Variants in NELL1 observed in about 807,000 individuals in gnomAD.
NELL1 encodes the protein neural EGFL like 1, also known as protein kinase C-binding protein NELL1.
A neutral mutation model predicts 107.4 loss-of-function variants in NELL1; 76 were observed. The observed-to-expected ratio is 0.71, with a 90% CI of 0.59 to 0.86. The LOEUF (loss-of-function observed/expected upper bound fraction) is 0.86. Among genes scored for constraint, NELL1 ranks in the 40% least tolerant of loss-of-function variants. The pLI, the probability that NELL1 is intolerant of heterozygous loss-of-function variation, is 0.00. For synonymous variants in NELL1, 353 were observed against 341.2 expected (o/e 1.03, Z -0.38); for missense variants, 1,024 against 1,005.5 (o/e 1.02, Z -0.25).
intron 15 of NELL1, among the ~76,000 whole-genome samples, chr11:21,396,567 A>T (rs1018946000): frequency 2.6e-5 from 4 of 151,628 alleles, no homozygotes; most frequent in African/African-American, 4.8e-5. Context: ...GCCAAGTACA[A>T]AGATAATTTA....
chr11:20,972,610 A>C (rs1009631206), intron 12 of NELL1, among the ~76,000 whole-genome samples: 1 of 152,198 alleles, frequency 6.6e-6, no homozygotes, highest in African/African-American at 2.4e-5. Context: ...TGGAGTTACC[A>C]AAAAGCAAAA....
At chr11:20,942,420 A>G (rs1459781368) in intron 10 of NELL1, among the ~76,000 whole-genome samples, 2 of 152,090 alleles carry the variant, frequency 1.3e-5, no homozygotes, top group African/African-American at 2.4e-5. Flanking sequence ...TGGTGTGACA[A>G]CAAGGGCTTT....
At chr11:20,915,867 CAT>C (rs573944121) in intron 5 of NELL1, among the ~76,000 whole-genome samples, 1 of 150,910 alleles carries the variant, frequency 6.6e-6, no homozygotes, top group East Asian at 2.0e-4. Context: ...GTAAATTGTC[CAT>C]ATAGCAATTT....
In NELL1 at chr11:20,859,110, C is replaced by A. The variant is rs185585331; in HGVS notation, c.506+11357C>A. 5.3e-5 allele frequency among the ~76,000 whole-genome samples: 8 copies of A among 152,326 alleles called. No homozygotes were observed. The East Asian group carries it at 1.5e-3, about 29-fold the overall frequency. On this transcript the variant is annotated intron_variant, in intron 4 of 19. Coordinates refer to ENST00000357134, the MANE Select transcript of NELL1 (RefSeq NM_006157.5). ...ATTGTGGACTAGGCCCACACCTACA[C>A]TGAAGTGACCAAAGTCTCAAACTGT...
At chr11:20,851,894 T>C (rs928822440) in intron 4 of NELL1, among the ~76,000 whole-genome samples, 1 of 152,190 alleles carries the variant, frequency 6.6e-6, no homozygotes, top group African/African-American at 2.4e-5. Flanking sequence ...ACAGGAGCCC[T>C]GTAAGCAGGC....
chr11:21,441,661 G>GA (rs947636156), intron 15 of NELL1, among the ~76,000 whole-genome samples: 6 of 151,598 alleles, frequency 4.0e-5, no homozygotes, highest in Non-Finnish European at 7.4e-5. Context: ...ATGAAAAATT[G>GA]AAAAAAATGT....
chr11:21,057,996 G>A (rs1853650793), intron 12 of NELL1, among the ~76,000 whole-genome samples: 1 of 152,022 alleles, frequency 6.6e-6, no homozygotes, highest in African/African-American at 2.4e-5. Context: ...TTTCAGAAGA[G>A]GAGGTTGAGT....
intron 12 of NELL1, among the ~76,000 whole-genome samples, chr11:21,033,724 T>C (rs575405927): frequency 8.5e-5 from 13 of 152,180 alleles, no homozygotes; most frequent in Admixed American, 7.2e-4. Flanking sequence ...GTCTTTAATA[T>C]AGAACAATTT....
chr11:20,746,834 C>A (rs969928495), intron 2 of NELL1, among the ~76,000 whole-genome samples: 10 of 152,258 alleles, frequency 6.6e-5, no homozygotes, highest in African/African-American at 2.4e-4. Context: ...GTAGTTTGTT[C>A]CTGGTTCTAC....
chr11:21,387,196 C>T (rs969184822), intron 15 of NELL1, among the ~76,000 whole-genome samples: 9 of 151,852 alleles, frequency 5.9e-5, no homozygotes, highest in African/African-American at 2.2e-4. Flanking sequence ...TTAAATGTCA[C>T]TCATTAGTAA....
At chr11:21,376,412 T>C (rs1466913780) in intron 15 of NELL1, among the ~76,000 whole-genome samples, 3 of 152,110 alleles carry the variant, frequency 2.0e-5, no homozygotes, top group Non-Finnish European at 4.4e-5. Flanking sequence ...TCTCTCTGTC[T>C]TTTTTTACAA....
intron 15 of NELL1, among the ~76,000 whole-genome samples, chr11:21,441,714 T>C (rs1853289785): frequency 6.6e-6 from 1 of 152,004 alleles, no homozygotes; most frequent in African/African-American, 2.4e-5. Context: ...AAATGTTAAT[T>C]ATCTTTCTTT....
In NELL1 at chr11:20,902,056, A is replaced by G. The variant is rs569296311; in HGVS notation, c.604-16126A>G. Among the ~76,000 whole-genome samples, 4 of 152,226 alleles carry G rather than the reference A, an allele frequency of 2.6e-5. No homozygotes were observed. In the South Asian group the frequency reaches 6.2e-4, roughly 24 times the overall value. ...ATACCTAACTGAAAGCTCAATGTTG[A>G]AAGGTTTAGAAGACAACATAAGAAC... On this transcript the variant is annotated intron_variant, in intron 5 of 19. Coordinates refer to ENST00000357134, the MANE Select transcript of NELL1 (RefSeq NM_006157.5).
intron 13 of NELL1, among the ~76,000 whole-genome samples, chr11:21,185,767 C>G (rs1349757201): frequency 6.6e-6 from 1 of 151,836 alleles, no homozygotes; most frequent in Non-Finnish European, 1.5e-5. Flanking sequence ...TCTCTCTCCT[C>G]TAGCTTTTAA....
At chr11:21,040,520 A>C (rs1419725365) in intron 12 of NELL1, among the ~76,000 whole-genome samples, 1 of 151,964 alleles carries the variant, frequency 6.6e-6, no homozygotes, top group East Asian at 1.9e-4. Flanking sequence ...TAAGTCATGG[A>C]TTTGTTGGTA....
chr11:21,472,535 AC>A (rs1854209328), intron 15 of NELL1, among the ~76,000 whole-genome samples: 1 of 151,978 alleles, frequency 6.6e-6, no homozygotes. Context: ...GGAAAATAAA[AC>A]CTTTTTCTAC....
rs191461247 is a variant in NELL1 at position 21,414,740 on chromosome 11, A to C, written c.1645+43792A>C. Among the ~76,000 whole-genome samples, 305 of 152,188 alleles carry C rather than the reference A, an allele frequency of 2.0e-3. 2 individuals are homozygous for C. The highest frequency in any genetic ancestry group is 7.1e-3 in the African/African-American group (297 of 41,552). Reference sequence around the variant, plus strand: ...AGGGAAGGGGAATGCGGCTATGTGCAATGGGCATTTGATAATCAAATCTCC... The same window carrying C: ...AGGGAAGGGGAATGCGGCTATGTGCCATGGGCATTTGATAATCAAATCTCC... On this transcript the variant is annotated intron_variant, in intron 15 of 19. Transcript: ENST00000357134.
intron 2 of NELL1, among the ~76,000 whole-genome samples, chr11:20,777,893 G>T (rs2133976254): frequency 6.6e-6 from 1 of 152,284 alleles, no homozygotes; most frequent in South Asian, 2.1e-4. Flanking sequence ...CTGTGAACTG[G>T]TGGGGATTCT....
chr11:21,384,309 G>A lies in NELL1; in HGVS notation c.1645+13361G>A, dbSNP rs1266688358. Among the ~76,000 whole-genome samples, 8 of 151,824 alleles carry A rather than the reference G, an allele frequency of 5.3e-5. No individual in the cohort carries two copies. The East Asian group carries it at 9.7e-4, about 18-fold the overall frequency. Reference sequence around the variant, plus strand: ...CGTAAAAGTCAAAATTATTACAATGGCCTATAAGGCCCTAGTTACTCTGGG... The same window carrying A: ...CGTAAAAGTCAAAATTATTACAATGACCTATAAGGCCCTAGTTACTCTGGG... On this transcript the variant is annotated intron_variant, in intron 15 of 19. Transcript: ENST00000357134.
Sources: gnomAD v4.1 joint callset for allele counts (sites outside exome capture counted in the v4.1 genomes callset) on GRCh38, gnomAD v4.1.1 for gene constraint, MANE v1.5 for transcripts, NCBI Gene and HGNC (gene_info 2026-07-23, HGNC 2026-07-21) for gene names.